TEAD1: variants seen among roughly 807,000 people sequenced by gnomAD.
The protein encoded by TEAD1 is TEA domain transcription factor 1, also known as transcriptional enhancer factor TEF-1.
Under a neutral mutation model 54.9 loss-of-function variants are expected in TEAD1, and 9 were observed. The ratio of observed to expected loss-of-function variants is 0.16; its 90% confidence interval spans 0.10 to 0.29. The LOEUF (loss-of-function observed/expected upper bound fraction) is 0.29, where lower values mean the gene tolerates loss of function less well. Ranked by LOEUF, TEAD1 falls within the 10% of genes least tolerant of loss-of-function variation. TEAD1 has a pLI of 1.00. For synonymous variants in TEAD1, 200 were observed against 187.8 expected (o/e 1.07, Z -0.53); for missense variants, 387 against 535.9 (o/e 0.72, Z 2.74).
At chr11:12,838,059 A>G (rs574896399) in intron 3 of TEAD1, among the ~76,000 whole-genome samples, 4 of 152,112 alleles carry the variant, frequency 2.6e-5, no homozygotes, top group Non-Finnish European at 5.9e-5. Context: ...GGACTCCCAA[A>G]GTGCTGGGAT....
intron 2 of TEAD1, among the ~76,000 whole-genome samples, chr11:12,738,281 C>G (rs1341266527): frequency 1.3e-5 from 2 of 152,182 alleles, no homozygotes; most frequent in Non-Finnish European, 2.9e-5. Flanking sequence ...AAATCAATTA[C>G]TGCCCCGTAC....
chr11:12,857,035 C>T (rs770741876), intron 3 of TEAD1, among the ~76,000 whole-genome samples: 15 of 152,148 alleles, frequency 9.9e-5, no homozygotes, highest in Non-Finnish European at 1.3e-4. Context: ...CCCACAACAA[C>T]GTTAACCAGT....
At chr11:12,799,624 A>T (rs562744053) in intron 3 of TEAD1, among the ~76,000 whole-genome samples, 1 of 152,334 alleles carries the variant, frequency 6.6e-6, no homozygotes, top group Non-Finnish European at 1.5e-5. Context: ...AAGAGTTATT[A>T]TTTATTTCCA....
At chr11:12,910,353 A>C (rs1034404799) in intron 10 of TEAD1, among the ~76,000 whole-genome samples, 1 of 152,238 alleles carries the variant, frequency 6.6e-6, no homozygotes, top group African/African-American at 2.4e-5. Context: ...TCCTGTCCTA[A>C]TAATGTTCAA....
At position 12,894,384 on chromosome 11, in the gene TEAD1, A is replaced by G. The variant is rs879523529; in HGVS notation, c.700-7556A>G. 3.9e-5 allele frequency among the ~76,000 whole-genome samples: 6 copies of G among 152,108 alleles called. No individual in the cohort carries two copies. The South Asian group carries it at 1.0e-3, about 26-fold the overall frequency. ...AGATTGAACTGCCTTCATCAGTTCA[A>G]TACATCTAGATTCAATACATCTAGA... On this transcript the variant is annotated intron_variant, in intron 9 of 12. Coordinates refer to ENST00000527636, the MANE Select transcript of TEAD1 (RefSeq NM_021961.6).
At chr11:12,697,952 G>A (rs537678287) in intron 2 of TEAD1, among the ~76,000 whole-genome samples, 2 of 151,110 alleles carry the variant, frequency 1.3e-5, no homozygotes, top group South Asian at 4.2e-4. Flanking sequence ...GAACCCAGGA[G>A]TCAAAGGTTG....
At chr11:12,718,993 G>T (rs1019680580) in intron 2 of TEAD1, among the ~76,000 whole-genome samples, 44 of 145,680 alleles carry the variant, frequency 3.0e-4, no homozygotes, top group African/African-American at 9.8e-4. Context: ...AAACTTTGGG[G>T]TTTTTTTTTT....
intron 9 of TEAD1, among the ~76,000 whole-genome samples, chr11:12,896,136 T>G (rs112500761): frequency 0.017 from 2,645 of 152,276 alleles, 69 homozygotes; most frequent in African/African-American, 0.06. Context: ...TTGTAAAACG[T>G]TTTTTTCTGG....
intron 9 of TEAD1, among the ~76,000 whole-genome samples, chr11:12,893,377 C>A (rs1389176291): frequency 6.6e-6 from 1 of 152,184 alleles, no homozygotes; most frequent in Non-Finnish European, 1.5e-5. Context: ...ACCTGCGAGC[C>A]CCTCCCGGCC....
chr11:12,924,852 C>T, intron 10 of TEAD1, 60 bp from the exon 11 acceptor site: 9 of 1,606,256 alleles, frequency 5.6e-6, no homozygotes, highest in African/African-American at 1.3e-5. Flanking sequence ...AAAGTTACTG[C>T]TCGGTGCCAT....
intron 3 of TEAD1, among the ~76,000 whole-genome samples, chr11:12,783,224 T>C (rs1371120579): frequency 6.9e-6 from 1 of 145,304 alleles, no homozygotes; most frequent in African/African-American, 2.6e-5. Flanking sequence ...AGGCAGTGTC[T>C]GGGGGAACTT....
intron 3 of TEAD1, among the ~76,000 whole-genome samples, chr11:12,814,204 C>T (rs568959492): frequency 3.3e-5 from 5 of 152,242 alleles, no homozygotes; most frequent in African/African-American, 9.6e-5. Context: ...GATGTCTGAC[C>T]GAGGCCAGAG....
intron 9 of TEAD1, among the ~76,000 whole-genome samples, chr11:12,897,150 TC>T (rs570395062): frequency 0.011 from 1,616 of 150,384 alleles, 40 homozygotes; most frequent in African/African-American, 0.039. Context: ...GCCAGTTTTC[TC>T]TTATGAGTAT....
intron 9 of TEAD1, among the ~76,000 whole-genome samples, chr11:12,893,950 G>A (rs1948253553): frequency 6.6e-6 from 1 of 152,136 alleles, no homozygotes; most frequent in African/African-American, 2.4e-5. Flanking sequence ...GTCTTGGCTT[G>A]GCTCCGCAGC....
intron 6 of TEAD1, among the ~76,000 whole-genome samples, 182 bp downstream of exon 6, chr11:12,880,024 A>G (rs769280900): frequency 1.3e-5 from 2 of 152,060 alleles, no homozygotes; most frequent in Non-Finnish European, 2.9e-5. Context: ...GGAGGCAGAG[A>G]GCTAGAGAGA....
At chr11:12,747,708 A>G (rs1394772970) in intron 2 of TEAD1, among the ~76,000 whole-genome samples, 2 of 152,230 alleles carry the variant, frequency 1.3e-5, no homozygotes, top group Non-Finnish European at 2.9e-5. Context: ...ACCCATGCTC[A>G]TCTCTAAGCA....
intron 9 of TEAD1, among the ~76,000 whole-genome samples, chr11:12,885,320 C>T (rs1483728328): frequency 1.3e-5 from 2 of 148,852 alleles, no homozygotes; most frequent in Non-Finnish European, 3.0e-5. Context: ...ACTGCAAGCT[C>T]TGCCTCCCGG....
Position 12,756,745 on chromosome 11 carries a change from T to A in TEAD1, c.-54-7434T>A, listed in dbSNP as rs760159592. On this transcript the variant is annotated intron_variant, in intron 2 of 12. Coordinates refer to ENST00000527636, the MANE Select transcript of TEAD1 (RefSeq NM_021961.6). ...TTTGGAAAATGACTCCTAGATTGAA[T>A]CTCTGTTAAGTATAGGACTTTGGAC... Among the ~76,000 whole-genome samples, 8 of 152,308 alleles carry A rather than the reference T, an allele frequency of 5.3e-5. No homozygotes were observed. The East Asian group carries it at 1.2e-3, about 22-fold the overall frequency.
chr11:12,701,895 A>G (rs114533702), intron 2 of TEAD1, among the ~76,000 whole-genome samples: 1 of 152,200 alleles, frequency 6.6e-6, no homozygotes, highest in Admixed American at 6.5e-5. Context: ...ACTTTCTATA[A>G]GAAATTCTAT....
Sources: gnomAD v4.1 joint callset for allele counts (sites outside exome capture counted in the v4.1 genomes callset) on GRCh38, gnomAD v4.1.1 for gene constraint, MANE v1.5 for transcripts, NCBI Gene and HGNC (gene_info 2026-07-23, HGNC 2026-07-21) for gene names.